NOL3: variants seen among roughly 807,000 people sequenced by gnomAD.
NOL3 encodes the protein muscle-enriched cytoplasmic protein.
NOL3 carries 18 observed loss-of-function variants against 19.2 expected under a neutral mutation model. The observed-to-expected ratio is 0.94, with a 90% CI of 0.65 to 1.39. NOL3 has a LOEUF of 1.39. NOL3 is among the 40% of genes most tolerant of loss of function. NOL3 has a pLI of 0.00. For synonymous variants in NOL3, 127 were observed against 137.3 expected (o/e 0.93, Z 0.52); for missense variants, 290 against 289.5 (o/e 1.00, Z -0.01).
exon 2 of NOL3, chr16:67,174,258 T>C: frequency 1.9e-6 from 3 of 1,612,670 alleles, no homozygotes; most frequent in Non-Finnish European, 2.5e-6. Flanking sequence ...TCGGGACTGC[T>C]GTTGGACGCG....
At chr16:67,173,418 C>T (rs1567674268) in intron 1 of NOL3, among the ~76,000 whole-genome samples, 1 of 152,112 alleles carries the variant, frequency 6.6e-6, no homozygotes, top group East Asian at 1.9e-4. Context: ...CAGGAGACTA[C>T]ATTGGGGTTG....
exon 2 of NOL3, chr16:67,174,442 G>T: frequency 6.6e-7 from 1 of 1,511,770 alleles, no homozygotes. Flanking sequence ...ACCCCGCTTG[G>T]GACTGGCAGC....
chr16:67,173,731 G>A (rs2031912245), intron 1 of NOL3: 1 of 752,448 alleles, frequency 1.3e-6, no homozygotes, highest in East Asian at 2.7e-5. Flanking sequence ...ATCAATCCTA[G>A]GTTTTTCTGC....
chr16:67,174,734 G>A (rs980245969), exon 3 of NOL3: 12 of 1,609,332 alleles, frequency 7.5e-6, no homozygotes, highest in Non-Finnish European at 1.0e-5. Flanking sequence ...TGACGAGGCC[G>A]GGGGCCCTGA....
chr16:67,174,216 G>A, exon 2 of NOL3: 2 of 1,612,838 alleles, frequency 1.2e-6, no homozygotes, highest in Non-Finnish European at 1.7e-6. Context: ...GACCGCGAGC[G>A]GAAACGCCTG....
At position 67,170,786 on chromosome 16, in the gene NOL3, GAA is replaced by G. The variant is rs370535035; in HGVS notation, c.-9+215_-9+216del. ...TGGAGGGAGGTAAGGGGCGGGGGGGGAAAATCCGTGCAGTCGCACATGCGCAA... is the reference window on the plus strand; with the variant it reads ...TGGAGGGAGGTAAGGGGCGGGGGGGGAATCCGTGCAGTCGCACATGCGCAA... On this transcript the variant is annotated intron_variant, in intron 1 of 3. Transcript: ENST00000268605. This position sits in a 1 kb window ranked among gnomAD's most constrained non-coding sequence, Gnocchi z 5.7. Among the ~76,000 whole-genome samples the G allele has an allele frequency of 1.3e-5, 2 of 151,900 alleles. No homozygotes were observed. Among genetic ancestry groups the G allele is most frequent in the African/African-American group, 4.8e-5 (2 of 41,326 alleles).
intron 1 of NOL3, chr16:67,173,844 G>T (rs1021339689): frequency 1.3e-6 from 2 of 1,531,904 alleles, no homozygotes; most frequent in African/African-American, 1.4e-5. Context: ...GGACGTCCTG[G>T]TTGGGGAGGG....
chr16:67,173,614 A>G, intron 1 of NOL3: 1 of 522,140 alleles, frequency 1.9e-6, no homozygotes, highest in East Asian at 3.3e-5. Flanking sequence ...GCAGGGCCAA[A>G]GCAGGAGGCA....
exon 4 of NOL3, chr16:67,175,135 A>T: frequency 6.2e-7 from 1 of 1,613,262 alleles, no homozygotes; most frequent in Non-Finnish European, 8.5e-7. Flanking sequence ...GGATGCCACC[A>T]AGGCTCGGTC....
At chr16:67,174,273 T>A (rs1174715068) in exon 2 of NOL3, 2 of 1,612,062 alleles carry the variant, frequency 1.2e-6, no homozygotes, top group East Asian at 4.5e-5. Flanking sequence ...GACGCGCTGC[T>A]GGCGCGGGGC....
At chr16:67,175,192 G>C in exon 4 of NOL3, 1 of 1,549,784 alleles carries the variant, frequency 6.5e-7, no homozygotes, top group Non-Finnish European at 8.7e-7. Context: ...GGTCGGACGG[G>C]ACCTGGGCTC....
Position 67,175,036 on chromosome 16 carries a change from G to A in NOL3, c.620-11G>A, listed in dbSNP as rs766416563. 35 of 1,613,992 alleles carry A rather than the reference G, an allele frequency of 2.2e-5. No individual in the cohort carries two copies. Among genetic ancestry groups the A allele is most frequent in the Non-Finnish European group, 2.6e-5 (31 of 1,179,950 alleles). ...CCCCACCTCTTTGACCACTGTTCCC[G>A]TCATCTCTAGATTCCTGAAGGCCAG... On this transcript the variant is annotated splice_polypyrimidine_tract_variant and intron_variant, in intron 3 of 3. Transcript: ENST00000268605.
At chr16:67,175,008 G>T in intron 3 of NOL3, 39 bp from the exon 4 acceptor site, 3 of 1,612,568 alleles carry the variant, frequency 1.9e-6, no homozygotes, top group Non-Finnish European at 1.7e-6. Context: ...AGCGGATGCC[G>T]GACCCCACCT....
exon 4 of NOL3, chr16:67,175,166 T>C: frequency 6.3e-7 from 1 of 1,587,474 alleles, no homozygotes; most frequent in Non-Finnish European, 8.6e-7. Flanking sequence ...CCGCTGGAAG[T>C]GAATAAACTC....
At chr16:67,174,730 G>T (rs1243952945) in exon 3 of NOL3, 1 of 1,610,876 alleles carries the variant, frequency 6.2e-7, no homozygotes, top group Non-Finnish European at 8.5e-7. Flanking sequence ...ACCCTGACGA[G>T]GCCGGGGGCC....
At chr16:67,174,011 C>T (rs1440110705) in intron 1 of NOL3, 151 bp from the exon 2 acceptor site, 4 of 1,544,272 alleles carry the variant, frequency 2.6e-6, no homozygotes, top group Non-Finnish European at 3.5e-6. Flanking sequence ...CCTCCAGGTC[C>T]TGTGCTTGCG....
chr16:67,174,128 C>T (rs772616245), intron 1 of NOL3, 34 bp from the exon 2 acceptor site: 2 of 1,601,176 alleles, frequency 1.2e-6, no homozygotes, highest in Non-Finnish European at 1.7e-6. Context: ...GGGAGGGCAA[C>T]CCCCCATTAC....
Position 67,174,292 on chromosome 16 carries a change from C to T in NOL3, c.123C>T (p.Thr41=), listed in dbSNP as rs746402569. 3.1e-6 allele frequency: 5 copies of T among 1,610,754 alleles called. No homozygotes were observed. In the Admixed American group the frequency reaches 5.0e-5, roughly 16 times the overall value. Reference sequence around the variant, plus strand: ...CGCTGCTGGCGCGGGGCGTGCTCACCGGGCCAGAGTACGAGGCATTGGATG... The same window carrying T: ...CGCTGCTGGCGCGGGGCGTGCTCACTGGGCCAGAGTACGAGGCATTGGATG... The change falls in exon 2 of 4, where the codon ACC becomes ACT. Residue 41 remains threonine (T), a synonymous_variant. Coordinates refer to ENST00000268605, the Ensembl canonical transcript of NOL3.
At position 67,174,166 on chromosome 16, in the gene NOL3, G is replaced by T. The variant is rs1234246359; in HGVS notation, c.-4G>T. Reference sequence around the variant, plus strand: ...CTCTCCCCTTTCCCCATGCAGCCCCGACAATGGGCAACGCGCAGGAGCGGC... The same window carrying T: ...CTCTCCCCTTTCCCCATGCAGCCCCTACAATGGGCAACGCGCAGGAGCGGC... On this transcript the variant is annotated 5_prime_UTR_variant, in exon 2 of 4. Transcript: ENST00000268605. 1.9e-6 allele frequency: 3 copies of T among 1,607,652 alleles called. No homozygotes were observed. Among genetic ancestry groups the T allele is most frequent in the Non-Finnish European group, 2.6e-6 (3 of 1,176,322 alleles).
Sources: allele counts gnomAD v4.1 joint callset (sites outside exome capture counted in the v4.1 genomes callset), GRCh38; gene constraint gnomAD v4.1.1; non-coding constraint Gnocchi (gnomAD v3.1); transcripts MANE v1.5; gene names NCBI Gene and HGNC (gene_info 2026-07-23, HGNC 2026-07-21).